Variants in SLC7A14 observed in about 807,000 individuals in gnomAD.
SLC7A14 encodes the protein gamma-aminobutyric acid transporter SLC7A14.
SLC7A14 carries 37 observed loss-of-function variants against 60.2 expected under a neutral mutation model. The observed-to-expected ratio is 0.61, with a 90% CI of 0.47 to 0.81. The LOEUF is 0.81. Among genes scored for constraint, SLC7A14 ranks in the 30% least tolerant of loss-of-function variants. The probability of loss-of-function intolerance (pLI) is 0.00; values close to 1 mark genes in which losing one functional copy is unlikely to be tolerated. For missense variants in SLC7A14, 886 were observed against 982.7 expected (o/e 0.90, Z 1.32); for synonymous variants, 399 against 395.8 (o/e 1.01, Z -0.10).
chr3:170,565,159 A>G (rs1453412251), intron 1 of SLC7A14, among the ~76,000 whole-genome samples: 1 of 152,158 alleles, frequency 6.6e-6, no homozygotes, highest in Non-Finnish European at 1.5e-5. Context: ...ACATACAAGC[A>G]GGAAGTAGGA....
intron 1 of SLC7A14, among the ~76,000 whole-genome samples, chr3:170,578,749 T>C (rs1715163195): frequency 6.6e-6 from 1 of 152,220 alleles, no homozygotes; most frequent in South Asian, 2.1e-4. Flanking sequence ...TCTTCGGTCT[T>C]AAGGAGGCAA....
In SLC7A14 at chr3:170,542,045, A is replaced by G. The variant is rs1353201615; in HGVS notation, c.-152-14957T>C. 2.6e-5 allele frequency among the ~76,000 whole-genome samples: 4 copies of G among 152,326 alleles called. No homozygotes were observed. In the East Asian group the frequency reaches 5.8e-4, roughly 22 times the overall value. On this transcript the variant is annotated intron_variant, in intron 1 of 7. Transcript: ENST00000231706. ...AGCCTCCACTGAATTAGATTTGCCT[A>G]AATTATCATTAGCTTTCTTTCCACT...
chr3:170,482,943 G>A (rs1711882601), intron 6 of SLC7A14, among the ~76,000 whole-genome samples: 1 of 151,744 alleles, frequency 6.6e-6, no homozygotes, highest in African/African-American at 2.4e-5. Flanking sequence ...GTGGAGAGTG[G>A]GGCAGTTACC....
rs1553863659 is a variant in SLC7A14 at position 170,467,027 on chromosome 3, A to G, written c.*28T>C. On this transcript the variant is annotated 3_prime_UTR_variant, in exon 8 of 8. Coordinates refer to ENST00000231706, the MANE Select transcript of SLC7A14 (RefSeq NM_020949.3). ...GTTAAGTTACTGAAAATCAGTCATC[A>G]CCATTTCTACCCACTTGTGTGTTTC... The G allele has an allele frequency of 6.5e-7, 1 of 1,542,562 alleles. No individual in the cohort carries two copies. Among genetic ancestry groups the G allele is most frequent in the South Asian group, 1.2e-5 (1 of 80,440 alleles).
At chr3:170,569,733 T>C (rs1714891876) in intron 1 of SLC7A14, among the ~76,000 whole-genome samples, 1 of 152,160 alleles carries the variant, frequency 6.6e-6, no homozygotes, top group Non-Finnish European at 1.5e-5. Flanking sequence ...CCTGGTTTAG[T>C]CTTGGGAGGG....
At chr3:170,490,049 T>C (rs1369302738) in intron 4 of SLC7A14, among the ~76,000 whole-genome samples, 1 of 152,170 alleles carries the variant, frequency 6.6e-6, no homozygotes, top group Non-Finnish European at 1.5e-5. Flanking sequence ...ACAGGGTGAC[T>C]ATAGTCAGTA....
chr3:170,576,941 C>G (rs1336444163), intron 1 of SLC7A14, among the ~76,000 whole-genome samples: 1 of 152,138 alleles, frequency 6.6e-6, no homozygotes, highest in Non-Finnish European at 1.5e-5. Context: ...ATTGTAAGTG[C>G]CATTTTCTAG....
At chr3:170,490,082 C>T (rs1192753176) in intron 4 of SLC7A14, among the ~76,000 whole-genome samples, 1 of 149,994 alleles carries the variant, frequency 6.7e-6, no homozygotes, top group Non-Finnish European at 1.5e-5. Flanking sequence ...TTTAAAATAA[C>T]TTAAAGAGTG....
chr3:170,478,565 C>T lies in SLC7A14; in HGVS notation c.1993+1724G>A, dbSNP rs368778117. On this transcript the variant is annotated intron_variant, in intron 7 of 7. Transcript: ENST00000231706. The stretch of plus-strand genomic sequence containing the variant: ...TCAGGCCTCTGGGGAAGACATATGC[C>T]CTTTCCATTGGTTGCTACTTTTTCC... 2.6e-5 allele frequency among the ~76,000 whole-genome samples: 4 copies of T among 152,162 alleles called. No homozygotes were observed. In the South Asian group the frequency reaches 8.3e-4, roughly 32 times the overall value.
intron 1 of SLC7A14, among the ~76,000 whole-genome samples, chr3:170,567,199 CT>C (rs1353915809): frequency 4.2e-5 from 6 of 143,900 alleles, no homozygotes; most frequent in Admixed American, 1.4e-4. Context: ...TGATGTTCCC[CT>C]TCCTGTGTCC....
chr3:170,572,692 G>C (rs1482361499), intron 1 of SLC7A14, among the ~76,000 whole-genome samples: 2 of 152,108 alleles, frequency 1.3e-5, no homozygotes, highest in Non-Finnish European at 2.9e-5. Flanking sequence ...TCTTGTTTTT[G>C]TTTTGATAGT....
chr3:170,552,630 CA>C (rs937566283), intron 1 of SLC7A14, among the ~76,000 whole-genome samples: 19 of 152,256 alleles, frequency 1.2e-4, no homozygotes, highest in African/African-American at 4.3e-4. Flanking sequence ...CTGTGTCCCC[CA>C]ACTGTTTTGA....
intron 1 of SLC7A14, among the ~76,000 whole-genome samples, chr3:170,563,127 C>T (rs957764020): frequency 6.6e-6 from 1 of 152,166 alleles, no homozygotes; most frequent in Non-Finnish European, 1.5e-5. Context: ...AGGAACCCTA[C>T]TGATATTCTA....
At chr3:170,541,981 C>T (rs1480027040) in intron 1 of SLC7A14, among the ~76,000 whole-genome samples, 1 of 152,240 alleles carries the variant, frequency 6.6e-6, no homozygotes, top group Non-Finnish European at 1.5e-5. Context: ...AGTTATGCTT[C>T]TACGCATCTC....
At position 170,464,866 on chromosome 3, in the gene SLC7A14, C is replaced by T. The variant is rs1315301305; in HGVS notation, c.*2189G>A. The T allele has an allele frequency of 6.6e-6, 1 of 152,236 alleles. No homozygotes were observed. Among genetic ancestry groups the T allele is most frequent in the Non-Finnish European group, 1.5e-5 (1 of 68,054 alleles). 9.4% of individuals were successfully genotyped at this position (152,236 alleles called of 1,614,324 possible). The stretch of plus-strand genomic sequence containing the variant: ...CATTTTGCACTCCTATTTCTCTATT[C>T]TCATGCTTAATGAATACAACCCCTC... On this transcript the variant is annotated 3_prime_UTR_variant, in exon 8 of 8. Coordinates refer to ENST00000231706, the MANE Select transcript of SLC7A14 (RefSeq NM_020949.3).
intron 4 of SLC7A14, chr3:170,495,563 G>GAGC: frequency 2.6e-6 from 2 of 759,748 alleles, no homozygotes. Flanking sequence ...TCTCCCGAGT[G>GAGC]AGCAGCAGCA....
intron 1 of SLC7A14, among the ~76,000 whole-genome samples, chr3:170,559,010 G>T (rs750844053): frequency 7.2e-5 from 11 of 152,142 alleles, no homozygotes; most frequent in Non-Finnish European, 1.2e-4. Context: ...TGCTGTGTTG[G>T]GAGGTTGATG....
chr3:170,479,149 A>AAAC (rs766612562), intron 7 of SLC7A14, among the ~76,000 whole-genome samples: 8 of 109,396 alleles, frequency 7.3e-5, no homozygotes, highest in South Asian at 3.4e-4. Context: ...CAAAACAAAC[A>AAAC]AATAACAACA....
At chr3:170,518,171 A>G (rs533386773) in intron 2 of SLC7A14, among the ~76,000 whole-genome samples, 1 of 152,218 alleles carries the variant, frequency 6.6e-6, no homozygotes, top group Admixed American at 6.5e-5. Flanking sequence ...AGGGTTGATG[A>G]AGATGGGAAG....
Sources: gnomAD v4.1 joint callset for allele counts (sites outside exome capture counted in the v4.1 genomes callset) on GRCh38, gnomAD v4.1.1 for gene constraint, MANE v1.5 for transcripts, NCBI Gene and HGNC (gene_info 2026-07-23, HGNC 2026-07-21) for gene names.